The following DHX29 variants were observed in gnomAD, a reference collection of about 807,000 sequenced individuals.
DHX29 encodes ATP-dependent RNA helicase DHX29.
In DHX29, 79 loss-of-function variants were observed where a neutral mutation model predicts 167.9. The observed-to-expected ratio is 0.47, with a 90% confidence interval of 0.39 to 0.57. The LOEUF (loss-of-function observed/expected upper bound fraction) is 0.57. Ranked by LOEUF, DHX29 falls within the 20% of genes least tolerant of loss-of-function variation. DHX29 has a pLI of 0.00. For synonymous variants in DHX29, 530 were observed against 546.0 expected (o/e 0.97, Z 0.41); for missense variants, 1,347 against 1,593.4 (o/e 0.85, Z 2.63).
chr5:55,284,360 A>G (rs1418920733), intron 10 of DHX29, among the ~76,000 whole-genome samples: 2 of 152,228 alleles, frequency 1.3e-5, no homozygotes, highest in Admixed American at 1.3e-4. Context: ...AGTATTTTAA[A>G]TTAACTATAC....
In DHX29 at chr5:55,261,901, A is replaced by T. The variant is rs550689354; in HGVS notation, c.3829-402T>A. Reference sequence around the variant, plus strand: ...CTCTCGTTTTACATTTAAGTTTGATAAATGTTGAGAGTTATTCAAGCCAGT... The same window carrying T: ...CTCTCGTTTTACATTTAAGTTTGATTAATGTTGAGAGTTATTCAAGCCAGT... On this transcript the variant is annotated intron_variant, in intron 24 of 26. Transcript: ENST00000251636. 2.1e-4 allele frequency among the ~76,000 whole-genome samples: 32 copies of T among 152,322 alleles called. No homozygotes were observed. In the South Asian group the frequency reaches 5.6e-3, roughly 27 times the overall value.
chr5:55,258,177 G>A (rs1746142593), intron 26 of DHX29, among the ~76,000 whole-genome samples: 1 of 152,160 alleles, frequency 6.6e-6, no homozygotes, highest in Non-Finnish European at 1.5e-5. Flanking sequence ...CCAAATTTAA[G>A]TGCTTCCTGG....
chr5:55,260,419 G>A (rs371601538), intron 25 of DHX29, among the ~76,000 whole-genome samples: 5 of 150,918 alleles, frequency 3.3e-5, no homozygotes, highest in Non-Finnish European at 7.4e-5. Context: ...TTTCAGTAGA[G>A]ACAGGGTTTC....
chr5:55,304,461 C>T (rs953765202), intron 1 of DHX29, among the ~76,000 whole-genome samples: 1 of 151,802 alleles, frequency 6.6e-6, no homozygotes, highest in Non-Finnish European at 1.5e-5. Context: ...TACAGGCGCT[C>T]GCCACTATGC....
chr5:55,271,628 AAAAAT>A (rs1240730289), intron 18 of DHX29, among the ~76,000 whole-genome samples: 3 of 152,228 alleles, frequency 2.0e-5, no homozygotes, highest in African/African-American at 4.8e-5. Flanking sequence ...ACTCCGTCTC[AAAAAT>A]AAAATAAAAG....
At chr5:55,288,110 G>T (rs1473205128) in intron 8 of DHX29, among the ~76,000 whole-genome samples, 1 of 151,834 alleles carries the variant, frequency 6.6e-6, no homozygotes, top group Non-Finnish European at 1.5e-5. Flanking sequence ...GGGCATGGGG[G>T]TGCATGCCTG....
intron 1 of DHX29, among the ~76,000 whole-genome samples, chr5:55,299,596 C>G (rs972438483): frequency 2.6e-5 from 4 of 152,150 alleles, no homozygotes; most frequent in African/African-American, 9.7e-5. Context: ...GTTCCTTCCC[C>G]CTTCCAGCTT....
chr5:55,269,329 T>G, intron 21 of DHX29, 84 bp downstream of exon 21: 1 of 1,373,946 alleles, frequency 7.3e-7, no homozygotes, highest in Non-Finnish European at 1.0e-6. Flanking sequence ...TAAAAAAATT[T>G]TTACTTAACA....
At chr5:55,277,382 A>G (rs1242193468) in intron 12 of DHX29, 100 bp from the exon 13 acceptor site, 7 of 738,836 alleles carry the variant, frequency 9.5e-6, no homozygotes, top group African/African-American at 3.5e-5. Flanking sequence ...AAGTTATTCA[A>G]TATCTAAGTA....
At chr5:55,277,402 C>A (rs1424050196) in intron 12 of DHX29, 120 bp from the exon 13 acceptor site, 2 of 581,078 alleles carry the variant, frequency 3.4e-6, no homozygotes, top group Non-Finnish European at 5.9e-6. Context: ...ACAGTCAGTA[C>A]ATGTGCGGGG....
intron 1 of DHX29, among the ~76,000 whole-genome samples, chr5:55,300,747 ATG>A (rs1383018880): frequency 4.6e-5 from 7 of 152,214 alleles, no homozygotes; most frequent in Non-Finnish European, 8.8e-5. Flanking sequence ...TTAAGATGAA[ATG>A]TGACTATATT....
chr5:55,278,470 T>G (rs1251663115), intron 12 of DHX29, among the ~76,000 whole-genome samples: 1 of 152,186 alleles, frequency 6.6e-6, no homozygotes, highest in Non-Finnish European at 1.5e-5. Context: ...CACAGAGTTG[T>G]GACAATCAAA....
At chr5:55,280,378 T>C (rs575445895) in intron 12 of DHX29, among the ~76,000 whole-genome samples, 1 of 152,318 alleles carries the variant, frequency 6.6e-6, no homozygotes, top group East Asian at 1.9e-4. Context: ...CAGAACTTAT[T>C]AACTGCTACA....
At chr5:55,288,715 GAAGGAGT>G (rs1453655197) in intron 8 of DHX29, among the ~76,000 whole-genome samples, 2 of 152,160 alleles carry the variant, frequency 1.3e-5, no homozygotes, top group African/African-American at 4.8e-5. Flanking sequence ...TGGTGGTATG[GAAGGAGT>G]TAGGGAGGGC....
At chr5:55,277,621 G>C (rs1276385929) in intron 12 of DHX29, among the ~76,000 whole-genome samples, 1 of 152,096 alleles carries the variant, frequency 6.6e-6, no homozygotes. Context: ...TGAAAAAGGA[G>C]TTCCTTATTG....
chr5:55,286,278 A>G (rs1226017283), intron 8 of DHX29, among the ~76,000 whole-genome samples: 1 of 151,902 alleles, frequency 6.6e-6, no homozygotes, highest in Non-Finnish European at 1.5e-5. Flanking sequence ...AGAACAGGTG[A>G]AGAAAGGGCA....
At chr5:55,297,224 T>C (rs1748370147) in intron 3 of DHX29, 61 bp downstream of exon 3, 3 of 751,604 alleles carry the variant, frequency 4.0e-6, no homozygotes, top group Middle Eastern at 3.5e-4. Flanking sequence ...TTATCTCACA[T>C]GAGGAGCTGT....
chr5:55,302,097 T>C (rs1748634716), intron 1 of DHX29, among the ~76,000 whole-genome samples: 1 of 152,208 alleles, frequency 6.6e-6, no homozygotes, highest in Non-Finnish European at 1.5e-5. Flanking sequence ...TCTGGTATAG[T>C]ATTGTTAGTT....
At chr5:55,269,343 G>C (rs965866604) in intron 21 of DHX29, 70 bp downstream of exon 21, 9 of 1,478,004 alleles carry the variant, frequency 6.1e-6, no homozygotes, top group Non-Finnish European at 8.3e-6. Flanking sequence ...CTTAACAATT[G>C]TTTCCAAACT....
Sources: gnomAD v4.1 joint callset for allele counts (sites outside exome capture counted in the v4.1 genomes callset) on GRCh38, gnomAD v4.1.1 for gene constraint, MANE v1.5 for transcripts, NCBI Gene and HGNC (gene_info 2026-07-23, HGNC 2026-07-21) for gene names.